Variants in ANO10 observed in about 807,000 individuals in gnomAD.
ANO10 encodes anoctamin 10, also known as anoctamin-10.
In ANO10, 77 loss-of-function variants were observed where a neutral mutation model predicts 74.7. That is an observed-to-expected ratio of 1.03 (90% CI 0.86 to 1.25). The LOEUF (loss-of-function observed/expected upper bound fraction) is 1.25, where lower values mean the gene tolerates loss of function less well. Among genes scored for constraint, ANO10 ranks in the 50% most tolerant of loss-of-function variants. ANO10 has a pLI of 0.00. For missense variants in ANO10, 721 were observed against 778.1 expected (o/e 0.93, Z 0.87); for synonymous variants, 279 against 284.9 (o/e 0.98, Z 0.21).
chr3:43,406,611 T>C (rs867111225), intron 12 of ANO10, among the ~76,000 whole-genome samples: 7 of 152,194 alleles, frequency 4.6e-5, no homozygotes, highest in African/African-American at 1.4e-4. Context: ...ATGCCACCGA[T>C]TCATGACAAA....
chr3:43,518,671 C>T (rs563420718), intron 11 of ANO10, among the ~76,000 whole-genome samples: 113 of 152,130 alleles, frequency 7.4e-4, no homozygotes, highest in Admixed American at 1.2e-3. Context: ...CTAAAATGGC[C>T]GCTCTAGGAA....
rs376195257 is a variant in ANO10 at position 43,576,930 on chromosome 3, G to A, written c.924C>T (p.Tyr308=). The change falls in exon 6 of 13, where the codon TAC becomes TAT. Residue 308 remains tyrosine (Y), a synonymous_variant. Transcript: ENST00000292246. ...CCAGGTAAATGCGCAACTGTCTCTT[G>A]TAGCTGGGGTACAGAGGCTCCTCCT... ...TGKEEPLYPS[Y]KRQLRIYLVS... The A allele has an allele frequency of 3.0e-5, 49 of 1,614,056 alleles. No homozygotes were observed. The highest frequency in any genetic ancestry group is 4.0e-5 in the Non-Finnish European group (47 of 1,180,038).
intron 1 of ANO10, among the ~76,000 whole-genome samples, chr3:43,665,152 T>A (rs978556581): frequency 2.0e-5 from 3 of 152,158 alleles, no homozygotes; most frequent in Non-Finnish European, 2.9e-5. Context: ...TAGACTGGAT[T>A]AAGAAAATGT....
At chr3:43,686,111 T>C (rs1386844013) in intron 1 of ANO10, among the ~76,000 whole-genome samples, 3 of 152,104 alleles carry the variant, frequency 2.0e-5, no homozygotes, top group African/African-American at 7.2e-5. Context: ...GGCACCATGC[T>C]CCTCTTCCTC....
intron 4 of ANO10, among the ~76,000 whole-genome samples, chr3:43,593,406 A>G (rs1320707138): frequency 6.6e-6 from 1 of 152,260 alleles, no homozygotes; most frequent in Admixed American, 6.5e-5. Context: ...CTAACAGCAG[A>G]TCTCTCAGCA....
chr3:43,565,516 T>A, intron 8 of ANO10, 137 bp downstream of exon 8: 1 of 792,156 alleles, frequency 1.3e-6, no homozygotes, highest in East Asian at 2.8e-5. Context: ...ATTTTTTATT[T>A]AGAATTTGGC....
chr3:43,565,683 A>G lies in ANO10; in HGVS notation c.1263T>C (p.Phe421=). Reference sequence around the variant, plus strand: ...GCAAAAGCTTCATATCTTTCAAGACAAAGGCAATATAGAAGAGTGAGGCAA... The same window carrying G: ...GCAAAAGCTTCATATCTTTCAAGACGAAGGCAATATAGAAGAGTGAGGCAA... The part of the protein sequence containing the change: ...NCFASLFYIA[F]VLKDMKLLRQ... The change falls in exon 8 of 13, where the codon TTT becomes TTC. Residue 421 remains phenylalanine, a synonymous_variant. Transcript: ENST00000292246. 1.9e-6 allele frequency: 3 copies of G among 1,581,730 alleles called. No individual in the cohort carries two copies. The highest frequency in any genetic ancestry group is 2.6e-6 in the Non-Finnish European group (3 of 1,162,704).
intron 2 of ANO10, among the ~76,000 whole-genome samples, 157 bp downstream of exon 2, chr3:43,605,555 TAA>T (rs1559771293): frequency 6.6e-6 from 1 of 152,116 alleles, no homozygotes; most frequent in African/African-American, 2.4e-5. Flanking sequence ...AGATAGATAA[TAA>T]AAGGCAAAAA....
intron 11 of ANO10, among the ~76,000 whole-genome samples, chr3:43,543,550 G>A (rs1313138509): frequency 2.0e-5 from 3 of 152,042 alleles, no homozygotes; most frequent in Non-Finnish European, 2.9e-5. Flanking sequence ...CACAGCGCCC[G>A]CTAATTTTTT....
chr3:43,519,691 T>C (rs565300974), intron 11 of ANO10, among the ~76,000 whole-genome samples: 3 of 152,190 alleles, frequency 2.0e-5, no homozygotes, highest in East Asian at 3.9e-4. Context: ...CCTTCACTCA[T>C]ATGAGGGCAG....
intron 7 of ANO10, among the ~76,000 whole-genome samples, chr3:43,567,004 G>A (rs1050948573): frequency 6.6e-6 from 1 of 152,170 alleles, no homozygotes; most frequent in Non-Finnish European, 1.5e-5. Context: ...TGATGGAGCT[G>A]AAAACCAAGG....
intron 11 of ANO10, among the ~76,000 whole-genome samples, chr3:43,538,320 A>G (rs528751343): frequency 6.6e-6 from 1 of 152,178 alleles, no homozygotes; most frequent in East Asian, 1.9e-4. Flanking sequence ...TTAACTGAGG[A>G]AAAAAAATAA....
chr3:43,510,586 A>G lies in ANO10; in HGVS notation c.1797+39134T>C, dbSNP rs562841283. On this transcript the variant is annotated intron_variant, in intron 11 of 12. Transcript: ENST00000292246. ...ACAAAATATCACCATCCAGGAAACT[A>G]GGTAACAGGTACACAAAATCTCTGT... is the stretch of plus-strand genomic sequence containing the variant. 2.0e-5 allele frequency among the ~76,000 whole-genome samples: 3 copies of G among 152,324 alleles called. No homozygotes were observed. The South Asian group carries it at 6.2e-4, about 32-fold the overall frequency.
intron 11 of ANO10, among the ~76,000 whole-genome samples, chr3:43,456,475 C>T (rs1012818108): frequency 2.4e-4 from 37 of 152,164 alleles, no homozygotes; most frequent in African/African-American, 8.9e-4. Flanking sequence ...AAAGAGTTGT[C>T]CATCGGTAGG....
chr3:43,372,732 T>TTACC (rs1394305947), intron 12 of ANO10: 1 of 903,826 alleles, frequency 1.1e-6, no homozygotes, highest in South Asian at 1.5e-5. Flanking sequence ...TCCTACCTGG[T>TTACC]ATGTGGTCTC....
At chr3:43,478,821 T>C (rs553488164) in intron 11 of ANO10, among the ~76,000 whole-genome samples, 1 of 152,344 alleles carries the variant, frequency 6.6e-6, no homozygotes, top group Admixed American at 6.5e-5. Context: ...AGAAGTCAAA[T>C]AGTTTTTAAA....
intron 7 of ANO10, among the ~76,000 whole-genome samples, chr3:43,570,207 T>C (rs1460518707): frequency 7.3e-6 from 1 of 137,404 alleles, no homozygotes; most frequent in South Asian, 2.6e-4. Flanking sequence ...TGGAAGAACA[T>C]TCCATGCTCA....
At chr3:43,456,526 A>G (rs771902876) in intron 11 of ANO10, among the ~76,000 whole-genome samples, 3 of 152,250 alleles carry the variant, frequency 2.0e-5, no homozygotes, top group Non-Finnish European at 1.5e-5. Flanking sequence ...GAAGATGGAT[A>G]TCTACGTAGC....
intron 11 of ANO10, among the ~76,000 whole-genome samples, chr3:43,532,254 C>G (rs999891795): frequency 6.6e-6 from 1 of 152,192 alleles, no homozygotes; most frequent in African/African-American, 2.4e-5. Context: ...GCTATGCCTT[C>G]GCTTAAACTT....
Sources: gnomAD v4.1 joint callset for allele counts (sites outside exome capture counted in the v4.1 genomes callset) on GRCh38, gnomAD v4.1.1 for gene constraint, MANE v1.5 for transcripts, NCBI Gene and HGNC (gene_info 2026-07-23, HGNC 2026-07-21) for gene names.